The following THSD4 variants were observed in gnomAD, a reference collection of about 807,000 sequenced individuals.
The protein encoded by THSD4 is thrombospondin type-1 domain-containing protein 4.
Under a neutral mutation model 119.0 loss-of-function variants are expected in THSD4, and 69 were observed. The observed-to-expected ratio is 0.58, with a 90% confidence interval of 0.48 to 0.71. The LOEUF is 0.71. Among genes scored for constraint, THSD4 ranks in the 30% least tolerant of loss-of-function variants. The probability of loss-of-function intolerance (pLI) is 0.00; values close to 1 mark genes in which losing one functional copy is unlikely to be tolerated. For synonymous variants in THSD4, 524 were observed against 540.4 expected, an observed-to-expected ratio of 0.97 and a Z score of 0.42; for missense variants, 1,393 against 1,391.1, an observed-to-expected ratio of 1.00 and a Z score of -0.02.
chr15:71,097,132 T>C (rs1286066146), intron 1 of THSD4: 3 of 152,214 alleles, frequency 2.0e-5, no homozygotes, highest in Non-Finnish European at 4.4e-5. Context: ...TCAAACTGGA[T>C]CAAATCAGCT....
At chr15:71,580,365 A>G (rs2049535142) in intron 7 of THSD4, among the ~76,000 whole-genome samples, 1 of 152,206 alleles carries the variant, frequency 6.6e-6, no homozygotes, top group Non-Finnish European at 1.5e-5. Context: ...TAATTGACAA[A>G]TGATAATTGT....
At chr15:71,450,902 G>T (rs1243385587) in intron 7 of THSD4, among the ~76,000 whole-genome samples, 1 of 152,208 alleles carries the variant, frequency 6.6e-6, no homozygotes, top group African/African-American at 2.4e-5. Context: ...TAGGAGCCGG[G>T]CGTGGCGGCA....
chr15:71,342,905 T>G (rs894141), intron 6 of THSD4: 59,714 of 152,118 alleles, frequency 0.39, 13,078 homozygotes, highest in African/African-American at 0.59. Flanking sequence ...TGTGCTCGAG[T>G]TTTTCTGTTC....
intron 7 of THSD4, among the ~76,000 whole-genome samples, chr15:71,543,903 C>T (rs2048798720): frequency 6.6e-6 from 1 of 152,176 alleles, no homozygotes; most frequent in East Asian, 1.9e-4. Flanking sequence ...TGGTGCAAGC[C>T]TGTAATCCCA....
chr15:71,660,540 G>A lies in THSD4; in HGVS notation c.1163G>A (p.Cys388Tyr). The change falls in exon 8 of 18, where the codon TGT becomes TAT. Residue 388 changes from cysteine (C) to tyrosine (Y), a missense_variant. Transcript: ENST00000261862. ...CVSGQCKSIG[C>Y]DDYLGSDKVV... ...TCTGTCTTTTTGCAGAGCATTGGCT[G>A]TGATGACTACTTAGGCTCCGACAAA... 1 of 1,614,148 alleles carries A rather than the reference G, an allele frequency of 6.2e-7. No homozygotes were observed. The highest frequency in any genetic ancestry group is 8.5e-7 in the Non-Finnish European group (1 of 1,180,008).
chr15:71,232,663 G>A lies in THSD4; in HGVS notation c.465-9986G>A, dbSNP rs1028379730. On this transcript the variant is annotated intron_variant, in intron 4 of 17. Transcript: ENST00000261862. ...TGAGTCATTAGTGATGGTTGGGAAG[G>A]GTTGTGAGCAGGATACAGGGGAAGG... Among the ~76,000 whole-genome samples, 11 of 152,274 alleles carry A rather than the reference G, an allele frequency of 7.2e-5. No individual in the cohort carries two copies. The East Asian group carries it at 2.1e-3, about 29-fold the overall frequency.
At chr15:71,542,928 G>A (rs797006409) in intron 7 of THSD4, among the ~76,000 whole-genome samples, 2 of 151,614 alleles carry the variant, frequency 1.3e-5, no homozygotes, top group South Asian at 2.1e-4. Context: ...AATCTAAAAA[G>A]TACCTAAGCA....
At chr15:71,183,258 C>G (rs984764793) in intron 3 of THSD4, 1 of 151,680 alleles carries the variant, frequency 6.6e-6, no homozygotes, top group Non-Finnish European at 1.5e-5. Context: ...TTCACTACCA[C>G]GAGAATAGTA....
At chr15:71,341,444 A>T in intron 6 of THSD4, 1 of 1,613,138 alleles carries the variant, frequency 6.2e-7, no homozygotes, top group Non-Finnish European at 8.5e-7. Flanking sequence ...GTGCAGCAAG[A>T]ATTCAGCACT....
chr15:71,582,893 TGAG>T (rs2049587531), intron 7 of THSD4, among the ~76,000 whole-genome samples: 3 of 152,158 alleles, frequency 2.0e-5, no homozygotes, highest in Admixed American at 6.5e-5. Context: ...AGTATTTTGT[TGAG>T]GATTTTTGCA....
chr15:71,498,991 C>T (rs1000513063), intron 7 of THSD4, among the ~76,000 whole-genome samples: 11 of 151,946 alleles, frequency 7.2e-5, no homozygotes, highest in African/African-American at 1.7e-4. Flanking sequence ...AGGTGTGAGC[C>T]GCCACACCCG....
At chr15:71,104,475 T>G (rs7175924) in intron 1 of THSD4, among the ~76,000 whole-genome samples, 34,302 of 152,120 alleles carry the variant, frequency 0.23, 5,021 homozygotes, top group African/African-American at 0.42. Flanking sequence ...ACAGGGTTAG[T>G]TCTCAGTCTC....
At chr15:71,672,583 C>T (rs1006815612) in intron 8 of THSD4, among the ~76,000 whole-genome samples, 12 of 152,180 alleles carry the variant, frequency 7.9e-5, no homozygotes, top group South Asian at 2.1e-4. Flanking sequence ...GAAGGAAATG[C>T]TTCCAGTTTT....
chr15:71,258,840 A>T (rs889644813), intron 6 of THSD4, among the ~76,000 whole-genome samples: 4 of 152,106 alleles, frequency 2.6e-5, no homozygotes, highest in African/African-American at 9.7e-5. Context: ...CTTAATCTGG[A>T]ATGACTTGTG....
chr15:71,327,908 A>T (rs1014449628), intron 6 of THSD4, among the ~76,000 whole-genome samples: 3 of 152,222 alleles, frequency 2.0e-5, no homozygotes, highest in Admixed American at 2.0e-4. Flanking sequence ...GAATGTATTA[A>T]TTCAGCCGGG....
At chr15:71,314,477 T>C (rs2045158905) in intron 6 of THSD4, among the ~76,000 whole-genome samples, 1 of 152,038 alleles carries the variant, frequency 6.6e-6, no homozygotes, top group Non-Finnish European at 1.5e-5. Flanking sequence ...CAGCTAATTA[T>C]TGTATATTTA....
At chr15:71,569,743 C>G (rs4375617) in intron 7 of THSD4, among the ~76,000 whole-genome samples, 1 of 152,144 alleles carries the variant, frequency 6.6e-6, no homozygotes, top group Non-Finnish European at 1.5e-5. Context: ...CCTGTAATCC[C>G]TGCACTTTGG....
chr15:71,174,839 G>A (rs1471531020), intron 3 of THSD4, among the ~76,000 whole-genome samples: 3 of 151,878 alleles, frequency 2.0e-5, no homozygotes, highest in African/African-American at 4.8e-5. Flanking sequence ...CCCTGACCCC[G>A]AGCAGCCTAA....
chr15:71,749,390 G>T (rs1209826436), intron 14 of THSD4, among the ~76,000 whole-genome samples: 1 of 152,268 alleles, frequency 6.6e-6, no homozygotes, highest in Non-Finnish European at 1.5e-5. Context: ...GGCATGGGAT[G>T]GCCAGTCAGA....
Sources: gnomAD v4.1 joint callset for allele counts (sites outside exome capture counted in the v4.1 genomes callset) on GRCh38, gnomAD v4.1.1 for gene constraint, MANE v1.5 for transcripts, NCBI Gene and HGNC (gene_info 2026-07-23, HGNC 2026-07-21) for gene names.